The following ZNF79 variants were observed in gnomAD, a reference collection of about 807,000 sequenced individuals.
The protein encoded by ZNF79 is ZNFpT7.
ZNF79 carries 13 observed loss-of-function variants against 14.9 expected under a neutral mutation model. That is an observed-to-expected ratio of 0.87 (90% confidence interval 0.57 to 1.38). ZNF79 has a LOEUF of 1.38. Ranked by LOEUF, ZNF79 falls within the 40% of genes most tolerant of loss-of-function variation. ZNF79 has a pLI of 0.00. For synonymous variants in ZNF79, 223 were observed against 235.1 expected, an observed-to-expected ratio of 0.95 and a Z score of 0.47; for missense variants, 631 against 630.6, an observed-to-expected ratio of 1.00 and a Z score of -0.01.
In ZNF79 at chr9:127,428,272, C is replaced by A. The variant is rs1354961475; in HGVS notation, c.17-560C>A. Among the ~76,000 whole-genome samples, 3 of 152,288 alleles carry A rather than the reference C, an allele frequency of 2.0e-5. No homozygotes were observed. The East Asian group carries it at 5.8e-4, about 29-fold the overall frequency. On this transcript the variant is annotated intron_variant, in intron 1 of 4. Transcript: ENST00000342483. Reference sequence around the variant, plus strand: ...CTGGGATTACAGGCATAAGCCACCGCACCTAGCCAAGAGTTACTTCTTAAC... The same window carrying A: ...CTGGGATTACAGGCATAAGCCACCGAACCTAGCCAAGAGTTACTTCTTAAC...
At chr9:127,428,568 T>C (rs1833802601) in intron 1 of ZNF79, 2 of 825,146 alleles carry the variant, frequency 2.4e-6, no homozygotes, top group East Asian at 1.1e-4. Flanking sequence ...AAAATGAGAC[T>C]TAGAGAGGTT....
rs1833925262 is a variant in ZNF79, at chr9:127,435,169, G to C, written c.185G>C (p.Arg62Thr). Residue 62 changes from arginine (R) to threonine (T), a missense_variant, in exon 3 of 5, where the codon AGG becomes ACG. Physicochemically the swap from Arg to Thr is moderately conservative, Grantham distance 71 (BLOSUM62 -1). Coordinates refer to ENST00000342483, the MANE Select transcript of ZNF79 (RefSeq NM_007135.3). ...TGCCTCGTGTCTACTCCACGGGACAGGTTCAAGGAGGGGATACCAGGAAAG... is the reference window on the plus strand; with the variant it reads ...TGCCTCGTGTCTACTCCACGGGACACGTTCAAGGAGGGGATACCAGGAAAG... Reference protein sequence around the residue: ...WRCLVSTPRDRFKEGIPGKSR... With the variant: ...WRCLVSTPRDTFKEGIPGKSR... The C allele has an allele frequency of 6.2e-7, 1 of 1,612,804 alleles. No individual in the cohort carries two copies. Among genetic ancestry groups the C allele is most frequent in the Non-Finnish European group, 8.5e-7 (1 of 1,179,518 alleles).
Position 127,424,656 on chromosome 9 carries a change from G to T in ZNF79, c.-132G>T. 2 of 1,399,112 alleles carry T rather than the reference G, an allele frequency of 1.4e-6. No homozygotes were observed. The highest frequency in any genetic ancestry group is 9.9e-7 in the Non-Finnish European group (1 of 1,007,610). 86.7% of individuals were successfully genotyped at this position (1,399,112 alleles called of 1,614,324 possible). On this transcript the variant is annotated 5_prime_UTR_variant, in exon 1 of 5. Coordinates refer to ENST00000342483, the MANE Select transcript of ZNF79 (RefSeq NM_007135.3). ...GCAGGATCAGACCGTGCCTCTGCGG[G>T]GAGAGGCTGGAGAGGAAGAGTCCGG...
intron 2 of ZNF79, among the ~76,000 whole-genome samples, chr9:127,434,209 A>G (rs1030889400): frequency 4.0e-5 from 6 of 151,010 alleles, no homozygotes. Context: ...TTCTCCTTCA[A>G]GGCCAGCTCA....
At position 127,444,936 on chromosome 9, in the gene ZNF79, C is replaced by A. The variant is rs147671105; in HGVS notation, c.1236C>A (p.Thr412=). 3 of 1,614,104 alleles carry A rather than the reference C, an allele frequency of 1.9e-6. No individual in the cohort carries two copies. Among genetic ancestry groups the A allele is most frequent in the Non-Finnish European group, 2.5e-6 (3 of 1,180,032 alleles). ...TNLIIHQKTH[T]GEKPYKCNEC... is the part of the protein sequence containing the mutation. ...TCATAATCCACCAAAAGACCCACACCGGGGAGAAGCCATATAAATGTAATG... is the reference window on the plus strand; with the variant it reads ...TCATAATCCACCAAAAGACCCACACAGGGGAGAAGCCATATAAATGTAATG... The change falls in exon 5 of 5, where the codon ACC becomes ACA. Residue 412 remains threonine, a synonymous_variant. Transcript: ENST00000342483.
Position 127,444,836 on chromosome 9 carries a change from A to G in ZNF79, c.1136A>G (p.His379Arg), listed in dbSNP as rs765493102. ...AGCCAGAGTGCAAACCTCACAAACC[A>G]TCAGAGGACTCACACTGGGGAGAAA... ...AFSQSANLTN[H>R]QRTHTGEKPY... Residue 379 changes from histidine (H) to arginine (R), a missense_variant, in exon 5 of 5, where the codon CAT becomes CGT. Physicochemically the swap from His to Arg is conservative, Grantham distance 29 (BLOSUM62 0). Coordinates refer to ENST00000342483, the MANE Select transcript of ZNF79 (RefSeq NM_007135.3). 6.2e-7 allele frequency: 1 copy of G among 1,613,842 alleles called. No homozygotes were observed. Among genetic ancestry groups the G allele is most frequent in the African/African-American group, 1.3e-5 (1 of 75,004 alleles).
chr9:127,444,956 G>A lies in ZNF79; in HGVS notation c.1256G>A (p.Cys419Tyr). The part of the protein sequence containing the change: ...KTHTGEKPYK[C>Y]NECGKFFSES... ...CACACCGGGGAGAAGCCATATAAAT[G>A]TAATGAATGTGGGAAATTCTTCAGT... Residue 419 changes from cysteine to tyrosine, a missense_variant, in exon 5 of 5, where the codon TGT becomes TAT. Coordinates refer to ENST00000342483, the MANE Select transcript of ZNF79 (RefSeq NM_007135.3). 1 of 1,614,206 alleles carries A rather than the reference G, an allele frequency of 6.2e-7. No individual in the cohort carries two copies. The highest frequency in any genetic ancestry group is 1.6e-4 in the Middle Eastern group (1 of 6,062).
Position 127,440,988 on chromosome 9 carries a change from C to T in ZNF79, c.329-3041C>T, listed in dbSNP as rs79921223. 2.1e-4 allele frequency among the ~76,000 whole-genome samples: 32 copies of T among 152,214 alleles called. No individual in the cohort carries two copies. The East Asian group carries it at 5.8e-3, about 28-fold the overall frequency. ...ACAGTCTTCTACTGGAGCCAGCACTCGAGAGAGGTGAGCTGAGGGACAGGC... is the reference window on the plus strand; with the variant it reads ...ACAGTCTTCTACTGGAGCCAGCACTTGAGAGAGGTGAGCTGAGGGACAGGC... On this transcript the variant is annotated intron_variant, in intron 4 of 4. Coordinates refer to ENST00000342483, the MANE Select transcript of ZNF79 (RefSeq NM_007135.3).
At chr9:127,434,461 C>G (rs1833911345) in intron 2 of ZNF79, among the ~76,000 whole-genome samples, 1 of 152,186 alleles carries the variant, frequency 6.6e-6, no homozygotes, top group Non-Finnish European at 1.5e-5. Context: ...TTCGCTCTTT[C>G]TATATTACCT....
chr9:127,437,546 T>C (rs1292918721), intron 4 of ZNF79, among the ~76,000 whole-genome samples: 1 of 151,610 alleles, frequency 6.6e-6, no homozygotes, highest in Non-Finnish European at 1.5e-5. Context: ...TCATAAGAAA[T>C]AACCACAAAC....
intron 3 of ZNF79, 118 bp downstream of exon 3, chr9:127,435,334 T>G (rs1274985034): frequency 3.3e-6 from 4 of 1,216,452 alleles, no homozygotes; most frequent in Non-Finnish European, 4.4e-6. Flanking sequence ...TGGTGTTTAT[T>G]CCTCTTGTTC....
intron 4 of ZNF79, among the ~76,000 whole-genome samples, chr9:127,437,424 G>T (rs1428173605): frequency 6.6e-6 from 1 of 152,002 alleles, no homozygotes; most frequent in Non-Finnish European, 1.5e-5. Flanking sequence ...GAAATTGAGA[G>T]CAGTGTTTAG....
intron 1 of ZNF79, among the ~76,000 whole-genome samples, chr9:127,427,326 G>C (rs1833775616): frequency 2.0e-5 from 3 of 151,536 alleles, no homozygotes. Context: ...GGGAGGCTGA[G>C]GTAGGAGAAT....
chr9:127,437,267 G>T (rs6478778), intron 4 of ZNF79, among the ~76,000 whole-genome samples: 23,439 of 151,498 alleles, frequency 0.15, 2,314 homozygotes, highest in Admixed American at 0.3. Flanking sequence ...GGTGTGCCTG[G>T]CACTACTCAT....
chr9:127,435,821 A>G (rs7853047), intron 3 of ZNF79, 87 bp from the exon 4 acceptor site: 606,193 of 1,028,078 alleles, frequency 0.59, 181,223 homozygotes, highest in Admixed American at 0.66. Context: ...TGAACAGTCC[A>G]ACTGGCCTAC....
At chr9:127,439,274 C>T (rs1164003574) in intron 4 of ZNF79, among the ~76,000 whole-genome samples, 3 of 152,038 alleles carry the variant, frequency 2.0e-5, no homozygotes, top group Non-Finnish European at 4.4e-5. Context: ...ATAATCCCTG[C>T]TTGCCATGCA....
At chr9:127,425,001 T>G in intron 1 of ZNF79, 198 bp downstream of exon 1, 3 of 1,413,888 alleles carry the variant, frequency 2.1e-6, no homozygotes, top group Non-Finnish European at 2.8e-6. Flanking sequence ...CTTTTTTGAG[T>G]AAAGAATTCG....
intron 4 of ZNF79, among the ~76,000 whole-genome samples, chr9:127,442,740 G>A (rs996809158): frequency 2.6e-5 from 4 of 151,960 alleles, no homozygotes; most frequent in African/African-American, 9.7e-5. Flanking sequence ...GCATGGGCCT[G>A]TAGTCCCAGC....
At chr9:127,427,201 T>G (rs1007958644) in intron 1 of ZNF79, among the ~76,000 whole-genome samples, 1 of 150,866 alleles carries the variant, frequency 6.6e-6, no homozygotes, top group African/African-American at 2.4e-5. Flanking sequence ...GCAGATTACT[T>G]GAGGTCAGGA....
Sources: allele counts gnomAD v4.1 joint callset (sites outside exome capture counted in the v4.1 genomes callset), GRCh38; gene constraint gnomAD v4.1.1; transcripts MANE v1.5; gene names NCBI Gene and HGNC (gene_info 2026-07-23, HGNC 2026-07-21).